Variants in ORC5 observed in about 807,000 individuals in gnomAD.
ORC5 encodes origin recognition complex subunit 5, also known as protein phosphatase 1, regulatory subunit 117.
Under a neutral mutation model 58.8 loss-of-function variants are expected in ORC5, and 39 were observed. The observed-to-expected ratio is 0.66, with a 90% confidence interval of 0.51 to 0.87. The LOEUF is 0.87. Among genes scored for constraint, ORC5 ranks in the 40% least tolerant of loss-of-function variants. The pLI, the probability that ORC5 is intolerant of heterozygous loss-of-function variation, is 0.00. For missense variants in ORC5, 493 were observed against 506.3 expected, an observed-to-expected ratio of 0.97 and a Z score of 0.25; for synonymous variants, 218 against 177.6, an observed-to-expected ratio of 1.23 and a Z score of -1.81.
chr7:104,144,130 T>C (rs1216922258), intron 12 of ORC5, among the ~76,000 whole-genome samples: 1 of 151,324 alleles, frequency 6.6e-6, no homozygotes, highest in Non-Finnish European at 1.5e-5. Context: ...AAAATAAAAA[T>C]AAAAATAAAA....
Position 104,161,652 on chromosome 7 carries a change from GCATGAGCCACCATACCCAGC to G in ORC5, c.1039-490_1039-471del, listed in dbSNP as rs528590864. On this transcript the variant is annotated intron_variant, in intron 11 of 13. Transcript: ENST00000297431. ...GCCTCCCAAAGTGTTAGAATTACAG[GCATGAGCCACCATACCCAGC>G]CATGAGCCACCATACCCAGCCATGA... 2.2e-3 allele frequency among the ~76,000 whole-genome samples: 328 copies of G among 152,150 alleles called. 2 individuals carry two copies. Among genetic ancestry groups the G allele is most frequent in the South Asian group, 4.8e-3 (23 of 4,812 alleles).
At chr7:104,135,057 C>T (rs950976421) in intron 13 of ORC5, among the ~76,000 whole-genome samples, 69 of 152,148 alleles carry the variant, frequency 4.5e-4, no homozygotes, top group African/African-American at 1.6e-3. Context: ...TAACATCCAT[C>T]ACTGTGATGC....
chr7:104,163,167 G>C (rs1455559115), intron 11 of ORC5, among the ~76,000 whole-genome samples: 2 of 152,178 alleles, frequency 1.3e-5, no homozygotes, highest in Non-Finnish European at 1.5e-5. Context: ...TAAAGCACAA[G>C]GCAGAGTCAG....
intron 8 of ORC5, among the ~76,000 whole-genome samples, chr7:104,170,494 A>G (rs1799192110): frequency 6.6e-6 from 1 of 152,224 alleles, no homozygotes; most frequent in African/African-American, 2.4e-5. Context: ...AAGATGGAGA[A>G]TGGAACCACA....
At chr7:104,168,602 A>C in intron 8 of ORC5, 77 bp from the exon 9 acceptor site, 1 of 808,420 alleles carries the variant, frequency 1.2e-6, no homozygotes, top group Non-Finnish European at 1.8e-6. Context: ...AGAGCCCTAG[A>C]AAAACTAAAT....
intron 11 of ORC5, 97 bp downstream of exon 11, chr7:104,165,138 C>A: frequency 1.5e-6 from 1 of 648,272 alleles, no homozygotes; most frequent in South Asian, 1.9e-5. Context: ...CAAATAAGTT[C>A]CTATATTCAA....
chr7:104,143,469 T>A (rs1438672252), intron 12 of ORC5, among the ~76,000 whole-genome samples: 1 of 152,176 alleles, frequency 6.6e-6, no homozygotes, highest in East Asian at 1.9e-4. Context: ...TGAAGTCACT[T>A]TCAGTTCTAC....
At chr7:104,127,904 T>C (rs904005326) in intron 13 of ORC5, among the ~76,000 whole-genome samples, 13 of 152,152 alleles carry the variant, frequency 8.5e-5, no homozygotes, top group African/African-American at 2.9e-4. Context: ...GAAGAATAAC[T>C]TGCTTCATTG....
chr7:104,133,070 C>T lies in ORC5; in HGVS notation c.1262+3711G>A, dbSNP rs1798537738. Among the ~76,000 whole-genome samples, 1 of 152,060 alleles carries T rather than the reference C, an allele frequency of 6.6e-6. No homozygotes were observed. The highest frequency in any genetic ancestry group is 2.4e-5 in the African/African-American group (1 of 41,358). ...TGTATGTGCTAGATGGGGCTAGGCA[C>T]AGGTAGGGGCCAGATCATTTGGGCC... On this transcript the variant is annotated intron_variant, in intron 13 of 13. Coordinates refer to ENST00000297431, the MANE Select transcript of ORC5 (RefSeq NM_002553.4). The surrounding 1 kb of genome is among the most constrained non-coding windows in gnomAD (Gnocchi z 4.7).
At chr7:104,188,733 G>A (rs1336041234) in intron 5 of ORC5, among the ~76,000 whole-genome samples, 1 of 152,086 alleles carries the variant, frequency 6.6e-6, no homozygotes, top group Non-Finnish European at 1.5e-5. Flanking sequence ...TTGGCTCTGT[G>A]TCCCCACCCA....
At position 104,188,334 on chromosome 7, in the gene ORC5, C is replaced by T; in HGVS notation, c.601G>A (p.Ala201Thr). The change falls in exon 6 of 14, where the codon GCT (alanine) becomes ACT (threonine). Residue 201 changes from alanine to threonine, a missense_variant. Physicochemically the swap from Ala to Thr is moderately conservative, Grantham distance 58. Coordinates refer to ENST00000297431, the MANE Select transcript of ORC5 (RefSeq NM_002553.4). ...LSHDHPPEYS[A>T]DFYAAYINIL... ...TTAATGTAGGCAGCATAGAAATCAGCTGAATACTCTGGAGGATGATCATGG... is the reference window on the plus strand; with the variant it reads ...TTAATGTAGGCAGCATAGAAATCAGTTGAATACTCTGGAGGATGATCATGG... The T allele has an allele frequency of 6.2e-7, 1 of 1,611,242 alleles. No homozygotes were observed. The highest frequency in any genetic ancestry group is 8.5e-7 in the Non-Finnish European group (1 of 1,177,804).
intron 12 of ORC5, among the ~76,000 whole-genome samples, chr7:104,156,782 A>G (rs889773652): frequency 6.6e-6 from 1 of 151,960 alleles, no homozygotes; most frequent in Non-Finnish European, 1.5e-5. Flanking sequence ...TTCATTGCCA[A>G]TTTTATTTAC....
chr7:104,157,958 T>C (rs1013120311), intron 12 of ORC5, among the ~76,000 whole-genome samples: 1 of 152,080 alleles, frequency 6.6e-6, no homozygotes, highest in East Asian at 1.9e-4. Flanking sequence ...TCTTTCTGAA[T>C]CTCTAACCTT....
At chr7:104,173,009 A>C (rs1038247307) in intron 8 of ORC5, among the ~76,000 whole-genome samples, 4 of 151,314 alleles carry the variant, frequency 2.6e-5, no homozygotes, top group Non-Finnish European at 5.9e-5. Context: ...GCTTTGTTAC[A>C]AATTGTGTAA....
intron 8 of ORC5, among the ~76,000 whole-genome samples, chr7:104,176,471 A>G (rs892833514): frequency 6.6e-6 from 1 of 152,208 alleles, no homozygotes; most frequent in Non-Finnish European, 1.5e-5. Flanking sequence ...ATTCTATATC[A>G]GAGTCCAGTT....
chr7:104,172,712 G>A lies in ORC5; in HGVS notation c.825-4187C>T, dbSNP rs17159774. On this transcript the variant is annotated intron_variant, in intron 8 of 13. Coordinates refer to ENST00000297431, the MANE Select transcript of ORC5 (RefSeq NM_002553.4). Reference sequence around the variant, plus strand: ...AAATCTTCTAAGGACTGTTAGAGGAGAAAGCCAAAGCCTAGAGGTTTTAGG... The same window carrying A: ...AAATCTTCTAAGGACTGTTAGAGGAAAAAGCCAAAGCCTAGAGGTTTTAGG... Among the ~76,000 whole-genome samples the A allele has an allele frequency of 3.6e-3, 548 of 152,266 alleles. 2 individuals are homozygous for A. The highest frequency in any genetic ancestry group is 0.014 in the Middle Eastern group (4 of 294).
At chr7:104,196,890 T>A (rs116983554) in intron 4 of ORC5, among the ~76,000 whole-genome samples, 1 of 152,194 alleles carries the variant, frequency 6.6e-6, no homozygotes, top group East Asian at 1.9e-4. Context: ...CCTTTATGAA[T>A]ACGGTGAATA....
At chr7:104,148,376 T>A (rs572060919) in intron 12 of ORC5, among the ~76,000 whole-genome samples, 4 of 152,152 alleles carry the variant, frequency 2.6e-5, no homozygotes, top group African/African-American at 9.7e-5. Flanking sequence ...AAGAAGGAAA[T>A]GACTACTCCA....
rs1028411500 is a variant in ORC5, at chr7:104,126,752, G to A, written c.*96C>T. On this transcript the variant is annotated 3_prime_UTR_variant, in exon 14 of 14. Transcript: ENST00000297431. Reference sequence around the variant, plus strand: ...CACCTGTTTGGACAAATCCAATAGAGCCAAAGAACTCCTCTCCTTGGCCAG... The same window carrying A: ...CACCTGTTTGGACAAATCCAATAGAACCAAAGAACTCCTCTCCTTGGCCAG... 2.6e-5 allele frequency: 22 copies of A among 832,908 alleles called. No individual in the cohort carries two copies. Among genetic ancestry groups the A allele is most frequent in the African/African-American group, 5.3e-5 (3 of 57,078 alleles). 51.6% of individuals were successfully genotyped at this position (832,908 alleles called of 1,614,324 possible).
Sources: gnomAD v4.1 joint callset for allele counts (sites outside exome capture counted in the v4.1 genomes callset) on GRCh38, gnomAD v4.1.1 for gene constraint, Gnocchi (gnomAD v3.1) non-coding constraint, MANE v1.5 for transcripts, NCBI Gene and HGNC (gene_info 2026-07-23, HGNC 2026-07-21) for gene names.